Variants in MGAT4C observed in about 807,000 individuals in gnomAD.
MGAT4C encodes the protein MGAT4 family member C.
In MGAT4C, 19 loss-of-function variants were observed where a neutral mutation model predicts 40.1. The observed-to-expected ratio is 0.47, with a 90% confidence interval of 0.33 to 0.70. The LOEUF is 0.70. MGAT4C is among the 30% of genes least tolerant of loss of function. The pLI is 0.02. For synonymous variants in MGAT4C, 181 were observed against 187.1 expected, an observed-to-expected ratio of 0.97 and a Z score of 0.27; for missense variants, 491 against 563.2, an observed-to-expected ratio of 0.87 and a Z score of 1.30.
At chr12:86,399,187 G>T (rs1184722907) in intron 3 of MGAT4C, among the ~76,000 whole-genome samples, 1 of 151,922 alleles carries the variant, frequency 6.6e-6, no homozygotes, top group Non-Finnish European at 1.5e-5. Context: ...GGCCAGGATA[G>T]TCTCGATCTC....
At chr12:86,232,187 A>G (rs1182960106) in intron 1 of MGAT4C, among the ~76,000 whole-genome samples, 2 of 152,070 alleles carry the variant, frequency 1.3e-5, no homozygotes, top group East Asian at 3.9e-4. Context: ...GTAACTTACT[A>G]AAGATTTCCA....
At chr12:86,133,458 GT>G (rs1412539963) in intron 1 of MGAT4C, among the ~76,000 whole-genome samples, 3 of 152,116 alleles carry the variant, frequency 2.0e-5, no homozygotes, top group African/African-American at 7.2e-5. Flanking sequence ...TTTAAGATCA[GT>G]TTGATAATTT....
intron 1 of MGAT4C, among the ~76,000 whole-genome samples, chr12:86,051,627 G>A (rs1160935908): frequency 6.6e-6 from 1 of 151,522 alleles, no homozygotes. Context: ...AAATAATTAT[G>A]TGTTCTATTT....
chr12:85,989,917 G>A (rs1007624486), intron 2 of MGAT4C, among the ~76,000 whole-genome samples: 2 of 151,948 alleles, frequency 1.3e-5, no homozygotes, highest in African/African-American at 2.4e-5. Context: ...ATAACTTTAA[G>A]GTAACATTTA....
rs1442840421 is a variant in MGAT4C at position 86,809,349 on chromosome 12, T to C, written c.-262+29317A>G. Among the ~76,000 whole-genome samples, 7 of 152,104 alleles carry C rather than the reference T, an allele frequency of 4.6e-5. No individual in the cohort carries two copies. The East Asian group carries it at 1.4e-3, about 29-fold the overall frequency. ...CTATTTCCAGTTTGAGCTCTAATGA[T>C]AAAAACTACCATGAATATTTTTGTT... On this transcript the variant is annotated intron_variant, in intron 1 of 7. Coordinates refer to the MGAT4C transcript ENST00000548651.
intron 2 of MGAT4C, among the ~76,000 whole-genome samples, chr12:86,531,802 T>C (rs1036138535): frequency 6.6e-6 from 1 of 151,990 alleles, no homozygotes; most frequent in Non-Finnish European, 1.5e-5. Context: ...TACTTAACTG[T>C]TAATATTTTG....
Position 86,431,601 on chromosome 12 carries a change from T to TA in MGAT4C, c.-120+3555dup, listed in dbSNP as rs151155370. Among the ~76,000 whole-genome samples the TA allele has an allele frequency of 2.6e-3, 402 of 152,264 alleles. 3 individuals carry two copies. Among genetic ancestry groups the TA allele is most frequent in the African/African-American group, 9.4e-3 (392 of 41,570 alleles). ...ACTGAACCAACTGAACATTATAGCT[T>TA]AGCCTCACCTACCATAAATGTTCTC... On this transcript the variant is annotated intron_variant, in intron 3 of 7. Transcript: ENST00000548651.
chr12:86,430,839 T>G (rs988089597), intron 3 of MGAT4C, among the ~76,000 whole-genome samples: 2 of 152,210 alleles, frequency 1.3e-5, no homozygotes, highest in African/African-American at 4.8e-5. Flanking sequence ...GATTTGGGAC[T>G]CTTTGGGAGG....
chr12:86,556,999 TAAG>T (rs1959643566), intron 2 of MGAT4C, among the ~76,000 whole-genome samples: 1 of 152,142 alleles, frequency 6.6e-6, no homozygotes. Context: ...CATGAAAATA[TAAG>T]AAGAGTGAAA....
At chr12:86,341,915 C>T (rs923417957) in intron 3 of MGAT4C, among the ~76,000 whole-genome samples, 8 of 152,190 alleles carry the variant, frequency 5.3e-5, no homozygotes, top group African/African-American at 1.7e-4. Flanking sequence ...GTTTGGGTGA[C>T]TTAACCATTC....
At chr12:86,689,275 C>T (rs1466406380) in intron 2 of MGAT4C, among the ~76,000 whole-genome samples, 2 of 152,052 alleles carry the variant, frequency 1.3e-5, no homozygotes, top group Non-Finnish European at 2.9e-5. Context: ...GCTTCCTTGC[C>T]CTGGGTTAGA....
intron 1 of MGAT4C, among the ~76,000 whole-genome samples, chr12:86,062,044 T>C (rs1020590537): frequency 6.6e-6 from 1 of 152,108 alleles, no homozygotes; most frequent in East Asian, 1.9e-4. Flanking sequence ...GATGGCCTCG[T>C]CGAGTGGCTC....
intron 1 of MGAT4C, among the ~76,000 whole-genome samples, chr12:86,133,770 A>C (rs143936433): frequency 4.6e-5 from 7 of 152,244 alleles, no homozygotes; most frequent in East Asian, 1.9e-4. Context: ...AAAGTGTTAA[A>C]ATTTTGGTAA....
In MGAT4C at chr12:86,303,557, CTT is replaced by C. The variant is rs1171719241; in HGVS notation, c.-57+30506_-57+30507del. 7.2e-4 allele frequency among the ~76,000 whole-genome samples: 55 copies of C among 76,374 alleles called. 1 individual carries two copies. The highest frequency in any genetic ancestry group is 1.2e-3 in the Non-Finnish European group (41 of 33,112). The allele number at this position is 76,374 out of a possible 152,430, so 50.1% of individuals were successfully genotyped here. On this transcript the variant is annotated intron_variant, in intron 4 of 7. Transcript: ENST00000548651. ...CTTGGAGAATGATTGAAGGAAGACA[CTT>C]AAAAAAAAAAGAATAAAACTACTGC...
At chr12:86,577,138 C>A (rs972637149) in intron 2 of MGAT4C, among the ~76,000 whole-genome samples, 1 of 151,744 alleles carries the variant, frequency 6.6e-6, no homozygotes, top group Admixed American at 6.6e-5. Flanking sequence ...AGAAATGCTA[C>A]TGATTTTTGT....
chr12:86,834,634 A>G (rs1305969402), intron 1 of MGAT4C, among the ~76,000 whole-genome samples: 1 of 151,362 alleles, frequency 6.6e-6, no homozygotes, highest in African/African-American at 2.4e-5. Context: ...ACACACACAC[A>G]CACCCCTTTA....
chr12:86,711,893 A>G (rs1565942286), intron 2 of MGAT4C, among the ~76,000 whole-genome samples: 1 of 152,174 alleles, frequency 6.6e-6, no homozygotes, highest in East Asian at 1.9e-4. Flanking sequence ...ATAAACCATG[A>G]TGACCTTTTA....
intron 2 of MGAT4C, among the ~76,000 whole-genome samples, chr12:86,546,544 A>C (rs1262407106): frequency 6.6e-6 from 1 of 152,074 alleles, no homozygotes; most frequent in Non-Finnish European, 1.5e-5. Context: ...GACTTCCTTT[A>C]TAGGCATCAA....
At chr12:86,682,452 C>T (rs1455107381) in intron 2 of MGAT4C, among the ~76,000 whole-genome samples, 1 of 151,838 alleles carries the variant, frequency 6.6e-6, no homozygotes, top group African/African-American at 2.4e-5. Context: ...TTCTCTGAAC[C>T]ATTTAATAAG....
Sources: gnomAD v4.1 joint callset for allele counts (sites outside exome capture counted in the v4.1 genomes callset) on GRCh38, gnomAD v4.1.1 for gene constraint, MANE v1.5 for transcripts, NCBI Gene and HGNC (gene_info 2026-07-23, HGNC 2026-07-21) for gene names.